The following PRRC2C variants were observed in gnomAD, a reference collection of about 807,000 sequenced individuals.
The protein encoded by PRRC2C is proline rich coiled-coil 2C.
In PRRC2C, 72 loss-of-function variants were observed where a neutral mutation model predicts 317.2. The ratio of observed to expected loss-of-function variants is 0.23; its 90% CI spans 0.19 to 0.28. PRRC2C has a LOEUF of 0.28. PRRC2C is among the 10% of genes least tolerant of loss of function. The pLI is 1.00. For missense variants in PRRC2C, 3,074 were observed against 3,459.7 expected, an observed-to-expected ratio of 0.89 and a Z score of 2.80; for synonymous variants, 1,296 against 1,205.9, an observed-to-expected ratio of 1.07 and a Z score of -1.55.
chr1:171,500,340 T>C (rs896207153), intron 1 of PRRC2C, among the ~76,000 whole-genome samples: 1 of 152,222 alleles, frequency 6.6e-6, no homozygotes, highest in Non-Finnish European at 1.5e-5. Context: ...AGCTAATCTC[T>C]TTAACAAATG....
At chr1:171,567,967 A>T (rs568017037) in intron 22 of PRRC2C, among the ~76,000 whole-genome samples, 34 of 152,206 alleles carry the variant, frequency 2.2e-4, no homozygotes, top group Non-Finnish European at 4.1e-4. Context: ...CAGGCAGATC[A>T]CTTAAGGCCA....
intron 26 of PRRC2C, among the ~76,000 whole-genome samples, 189 bp downstream of exon 26, chr1:171,577,826 G>A (rs549374227): frequency 2.8e-4 from 37 of 131,198 alleles, no homozygotes; most frequent in African/African-American, 1.0e-3. Flanking sequence ...TGCCCAGGCT[G>A]GATTGCAGTG....
At position 171,524,963 on chromosome 1, in the gene PRRC2C, C is replaced by G. The variant is rs780381639; in HGVS notation, c.1198C>G (p.Gln400Glu). Residue 400 changes from glutamine to glutamate, a missense_variant and splice_region_variant, in exon 10 of 35, where the codon CAG becomes GAG. By Grantham distance (29) the Gln-to-Glu change is conservative (BLOSUM62 2). This residue lies in a region of PRRC2C where 1,320 missense variants were observed against 1,395.7 expected (regional missense o/e 0.95). Coordinates refer to ENST00000647382, the MANE Select transcript of PRRC2C (RefSeq NM_001387844.1). ...VPYGKGPSFN[Q>E]ERGTSSHLPP... ...CTATGGGAAAGGACCTTCATTTAATCAGGTTTGTTGGACTCATGGAGATCC... is the reference window on the plus strand; with the variant it reads ...CTATGGGAAAGGACCTTCATTTAATGAGGTTTGTTGGACTCATGGAGATCC... 1 of 1,602,248 alleles carries G rather than the reference C, an allele frequency of 6.2e-7. No individual in the cohort carries two copies.
At chr1:171,488,390 T>G (rs1211470368) in intron 1 of PRRC2C, among the ~76,000 whole-genome samples, 1 of 152,266 alleles carries the variant, frequency 6.6e-6, no homozygotes, top group Non-Finnish European at 1.5e-5. Flanking sequence ...AGAGTTACTG[T>G]GTTAGTTTTA....
Position 171,532,965 on chromosome 1 carries a change from T to G in PRRC2C, c.1873+4T>G. On this transcript the variant is annotated splice_donor_region_variant and intron_variant, in intron 12 of 34. Transcript: ENST00000647382. The stretch of plus-strand genomic sequence containing the variant: ...AGTGAAAACAGCTGTAATAAAGGTT[T>G]GATAGTATTCTTCATTCTCTTTTAA... 2.6e-6 allele frequency: 4 copies of G among 1,536,964 alleles called. No homozygotes were observed. The highest frequency in any genetic ancestry group is 1.3e-5 in the South Asian group (1 of 75,488).
chr1:171,571,606 G>A (rs1461746919), intron 24 of PRRC2C, among the ~76,000 whole-genome samples, 185 bp downstream of exon 24: 6 of 152,134 alleles, frequency 3.9e-5, no homozygotes, highest in Middle Eastern at 3.2e-3. Context: ...AAGTGGTGAC[G>A]TGATATCCTC....
rs1198133563 is a variant in PRRC2C at position 171,592,246 on chromosome 1, A to C, written c.*399A>C. The C allele has an allele frequency of 6.2e-6, 1 of 161,470 alleles. No individual in the cohort carries two copies. The highest frequency in any genetic ancestry group is 1.3e-5 in the Non-Finnish European group (1 of 74,430). 10.0% of individuals were successfully genotyped at this position (161,470 alleles called of 1,614,324 possible). On this transcript the variant is annotated 3_prime_UTR_variant, in exon 35 of 35. Coordinates refer to ENST00000647382, the MANE Select transcript of PRRC2C (RefSeq NM_001387844.1). ...GAACAGTGTGATGGTCCCAGCTACT[A>C]CATCAGATGCGGTTTTTTTGCTCCC... is the stretch of plus-strand genomic sequence containing the variant.
chr1:171,489,789 G>A (rs1205821065), intron 1 of PRRC2C, among the ~76,000 whole-genome samples: 2 of 152,234 alleles, frequency 1.3e-5, no homozygotes, highest in Admixed American at 6.5e-5. Flanking sequence ...AACTACATGG[G>A]TTTCCTAGTG....
Position 171,546,522 on chromosome 1 carries a change from C to G in PRRC2C, c.4972+835C>G, listed in dbSNP as rs143273019. Among the ~76,000 whole-genome samples the G allele has an allele frequency of 7.2e-5, 11 of 152,242 alleles. No individual in the cohort carries two copies. The East Asian group carries it at 1.9e-3, about 27-fold the overall frequency. ...CAGCTCATGGACATTATTTTTTGAC[C>G]AGTGGTTCTCAAAGTGTGGTCCCCA... On this transcript the variant is annotated intron_variant, in intron 17 of 34. Coordinates refer to ENST00000647382, the MANE Select transcript of PRRC2C (RefSeq NM_001387844.1).
chr1:171,521,392 C>T lies in PRRC2C; in HGVS notation c.751-785C>T, dbSNP rs558084840. Among the ~76,000 whole-genome samples, 265 of 152,278 alleles carry T rather than the reference C, an allele frequency of 1.7e-3. 1 individual carries two copies. Among genetic ancestry groups the T allele is most frequent in the African/African-American group, 6.3e-3 (262 of 41,562 alleles). On this transcript the variant is annotated intron_variant, in intron 6 of 34. Transcript: ENST00000647382. ...GTTCCCAGAATCTATCTTATGTCTT[C>T]TCTTAAGTTTAGTTTCCCAGAGCCA... is the stretch of plus-strand genomic sequence containing the variant.
chr1:171,579,002 G>C (rs1193573252), intron 26 of PRRC2C, among the ~76,000 whole-genome samples: 1 of 152,170 alleles, frequency 6.6e-6, no homozygotes, highest in African/African-American at 2.4e-5. Flanking sequence ...TAGTAGGTAG[G>C]TTTAAAATTG....
Position 171,591,876 on chromosome 1 carries a change from AGGGGGGCGG to A in PRRC2C, c.*31_*39del. The A allele has an allele frequency of 9.7e-6, 6 of 616,332 alleles. No homozygotes were observed. The highest frequency in any genetic ancestry group is 6.2e-4 in the Middle Eastern group (1 of 1,604). 38.2% of individuals were successfully genotyped at this position (616,332 alleles called of 1,614,324 possible). On this transcript the variant is annotated 3_prime_UTR_variant, in exon 35 of 35. Transcript: ENST00000647382. ...CTATGGTTTATTGCAGGGGATTGGG[AGGGGGGCGG>A]GAAAACATGGAGAATTAAGTCAGAT...
chr1:171,536,798 G>T (rs1308893785), intron 14 of PRRC2C, among the ~76,000 whole-genome samples: 1 of 152,076 alleles, frequency 6.6e-6, no homozygotes, highest in Non-Finnish European at 1.5e-5. Context: ...ATCATGTTTT[G>T]ATTTTTACAT....
intron 1 of PRRC2C, among the ~76,000 whole-genome samples, chr1:171,487,690 T>C (rs924970126): frequency 1.3e-5 from 2 of 152,146 alleles, no homozygotes; most frequent in Non-Finnish European, 2.9e-5. Flanking sequence ...GAGGCTTTTA[T>C]AGGAGTAAAA....
intron 7 of PRRC2C, 47 bp from the exon 8 acceptor site, chr1:171,523,174 T>C (rs950382216): frequency 6.6e-7 from 1 of 1,520,990 alleles, no homozygotes; most frequent in Admixed American, 2.3e-5. Flanking sequence ...TCTCCCAGTT[T>C]AGTATCATAA....
At chr1:171,492,285 G>A (rs1352306598) in intron 1 of PRRC2C, among the ~76,000 whole-genome samples, 1 of 152,186 alleles carries the variant, frequency 6.6e-6, no homozygotes, top group African/African-American at 2.4e-5. Context: ...AAAAAGCCAA[G>A]AATGGCCTAC....
intron 17 of PRRC2C, among the ~76,000 whole-genome samples, chr1:171,549,307 T>TA (rs1392914714): frequency 2.0e-5 from 3 of 152,216 alleles, no homozygotes; most frequent in Non-Finnish European, 4.4e-5. Flanking sequence ...ATTATGCTGA[T>TA]ACTACAGGCA....
intron 5 of PRRC2C, 121 bp downstream of exon 5, chr1:171,515,980 A>G: frequency 1.3e-5 from 14 of 1,066,640 alleles, no homozygotes; most frequent in East Asian, 2.7e-5. Flanking sequence ...ACTTTGTACT[A>G]TAGTCACTTG....
chr1:171,540,307 C>T lies in PRRC2C; in HGVS notation c.2841C>T (p.Gly947=). The stretch of plus-strand genomic sequence containing the variant: ...AGCAGAGAAGTGAACCATCTGCAGG[C>T]ATTCCTAAAGTAACCAGCAGATGCA... ...PDEQRSEPSA[G]IPKVTSRCID... Residue 947 remains glycine, a synonymous_variant, in exon 16 of 35, where the codon GGC becomes GGT. Coordinates refer to ENST00000647382, the MANE Select transcript of PRRC2C (RefSeq NM_001387844.1). 6 of 1,613,716 alleles carry T rather than the reference C, an allele frequency of 3.7e-6. No individual in the cohort carries two copies. Among genetic ancestry groups the T allele is most frequent in the Non-Finnish European group, 5.1e-6 (6 of 1,179,814 alleles).
Sources: gnomAD v4.1 joint callset for allele counts (sites outside exome capture counted in the v4.1 genomes callset) on GRCh38, gnomAD v4.1.1 for gene constraint, gnomAD v4.1.1 regional missense constraint, MANE v1.5 for transcripts, NCBI Gene and HGNC (gene_info 2026-07-23, HGNC 2026-07-21) for gene names.